Variants in RNF152 observed in about 807,000 individuals in gnomAD.
RNF152 encodes the protein E3 ubiquitin-protein ligase RNF152.
RNF152 carries 11 observed loss-of-function variants against 12.7 expected under a neutral mutation model. That is an observed-to-expected ratio of 0.86 (90% CI 0.54 to 1.43). The LOEUF (loss-of-function observed/expected upper bound fraction) is 1.43, where lower values mean the gene tolerates loss of function less well. Ranked by LOEUF, RNF152 falls within the 40% of genes most tolerant of loss-of-function variation. The probability of loss-of-function intolerance (pLI) is 0.00; values close to 1 mark genes in which losing one functional copy is unlikely to be tolerated. For synonymous variants in RNF152, 113 were observed against 120.3 expected (o/e 0.94, Z 0.40); for missense variants, 255 against 274.8 (o/e 0.93, Z 0.51).
At position 61,810,579 on chromosome 18, in the gene RNF152, C is replaced by G. The variant is rs559969991; in HGVS notation, c.*5273G>C. 1 of 152,194 alleles carries G rather than the reference C, an allele frequency of 6.6e-6. No homozygotes were observed. Among genetic ancestry groups the G allele is most frequent in the African/African-American group, 2.4e-5 (1 of 41,422 alleles). 9.4% of individuals were successfully genotyped at this position (152,194 alleles called of 1,614,324 possible). A position where few individuals can be genotyped will look rare whatever the true frequency, so the allele number is the denominator to read the frequency against. On this transcript the variant is annotated 3_prime_UTR_variant, in exon 2 of 2. Coordinates refer to ENST00000312828, the MANE Select transcript of RNF152 (RefSeq NM_173557.3). Reference sequence around the variant, plus strand: ...AGGAGAATAGCTTGAACCTGGGAGGCGGAGGTTGCAGTGAGCTGAGATCAT... The same window carrying G: ...AGGAGAATAGCTTGAACCTGGGAGGGGGAGGTTGCAGTGAGCTGAGATCAT...
At chr18:61,848,735 C>T (rs921613670) in intron 1 of RNF152, among the ~76,000 whole-genome samples, 3 of 152,188 alleles carry the variant, frequency 2.0e-5, no homozygotes, top group Non-Finnish European at 2.9e-5. Flanking sequence ...TTTGGAGCCA[C>T]GGAAGAGGCC....
intron 1 of RNF152, among the ~76,000 whole-genome samples, chr18:61,870,025 G>A (rs930789849): frequency 6.6e-6 from 1 of 152,176 alleles, no homozygotes; most frequent in African/African-American, 2.4e-5. Context: ...TGAAGGAAAA[G>A]ACAGGCAAGT....
chr18:61,883,910 G>C (rs571477617), intron 1 of RNF152, among the ~76,000 whole-genome samples: 119 of 152,274 alleles, frequency 7.8e-4, no homozygotes, highest in African/African-American at 2.8e-3. Flanking sequence ...AAGCTTTACA[G>C]ACTTTCAAAC....
rs775804132 is a variant in RNF152, at chr18:61,816,209, G to C, written c.255C>G (p.Ser85=). 3.7e-6 allele frequency: 6 copies of C among 1,614,238 alleles called. No individual in the cohort carries two copies. Among genetic ancestry groups the C allele is most frequent in the East Asian group, 4.5e-5 (2 of 44,882 alleles). ...VLAVIAIPHT[S]EHTPVFIKLP... ...GTTTGATGAAGACCGGGGTGTGTTC[G>C]GAAGTGTGTGGAATGGCGATGACAG... The change falls in exon 2 of 2, where the codon TCC becomes TCG. Residue 85 remains serine, a synonymous_variant. Transcript: ENST00000312828.
At chr18:61,846,895 G>C (rs1910763276) in intron 1 of RNF152, among the ~76,000 whole-genome samples, 1 of 152,190 alleles carries the variant, frequency 6.6e-6, no homozygotes. Flanking sequence ...GTCTGGATTT[G>C]AGTCCCAACT....
At chr18:61,849,545 AC>A (rs1482008687) in intron 1 of RNF152, among the ~76,000 whole-genome samples, 3 of 152,210 alleles carry the variant, frequency 2.0e-5, no homozygotes, top group Non-Finnish European at 4.4e-5. Flanking sequence ...CTAATGCCAA[AC>A]CCTGTGCACT....
chr18:61,872,027 T>C (rs1315199912), intron 1 of RNF152, among the ~76,000 whole-genome samples: 2 of 152,220 alleles, frequency 1.3e-5, no homozygotes, highest in African/African-American at 4.8e-5. Context: ...TTCTGCAGGC[T>C]GTACAGTAAG....
intron 1 of RNF152, among the ~76,000 whole-genome samples, chr18:61,852,059 G>C (rs1490284905): frequency 1.3e-5 from 2 of 152,190 alleles, no homozygotes; most frequent in East Asian, 3.9e-4. Context: ...CTCAGAGCCA[G>C]CCAGGGGGCA....
intron 1 of RNF152, among the ~76,000 whole-genome samples, chr18:61,830,242 T>C (rs1909877106): frequency 6.6e-6 from 1 of 152,058 alleles, no homozygotes; most frequent in Admixed American, 6.6e-5. Flanking sequence ...GCCAGGCTGG[T>C]CTTGAACTCC....
intron 1 of RNF152, chr18:61,888,036 T>C (rs765842810): frequency 6.6e-6 from 1 of 152,232 alleles, no homozygotes; most frequent in Non-Finnish European, 1.5e-5. Context: ...AGGAAGTCTA[T>C]GTGATGTTTG....
intron 1 of RNF152, among the ~76,000 whole-genome samples, chr18:61,861,086 G>A (rs1911456663): frequency 6.6e-6 from 1 of 152,126 alleles, no homozygotes; most frequent in Admixed American, 6.5e-5. Flanking sequence ...GTTACAGTAA[G>A]CTAAGATTAT....
intron 1 of RNF152, among the ~76,000 whole-genome samples, chr18:61,850,224 T>C (rs1004134536): frequency 6.6e-5 from 10 of 152,222 alleles, no homozygotes; most frequent in Non-Finnish European, 1.3e-4. Context: ...CCCTTGTCAG[T>C]AAAGTGTGAA....
At chr18:61,883,205 A>T (rs1912540475) in intron 1 of RNF152, among the ~76,000 whole-genome samples, 1 of 152,190 alleles carries the variant, frequency 6.6e-6, no homozygotes, top group African/African-American at 2.4e-5. Flanking sequence ...TGCAGCTTTC[A>T]AAAATATTTC....
At chr18:61,821,094 A>G (rs1909382504) in intron 1 of RNF152, among the ~76,000 whole-genome samples, 1 of 152,226 alleles carries the variant, frequency 6.6e-6, no homozygotes, top group African/African-American at 2.4e-5. Flanking sequence ...CTTCCTGGCT[A>G]TCAAAGAGCT....
rs115827531 is a variant in RNF152 at position 61,877,602 on chromosome 18, T to C, written c.-136+15193A>G. ...TATTACTTTCTACTGAAAGTATTTA[T>C]AGCTCAAAGCTGCTTGTTAATCACA... is the stretch of plus-strand genomic sequence containing the variant. On this transcript the variant is annotated intron_variant, in intron 1 of 1. Coordinates refer to ENST00000312828, the MANE Select transcript of RNF152 (RefSeq NM_173557.3). 8.8e-3 allele frequency among the ~76,000 whole-genome samples: 1,346 copies of C among 152,344 alleles called. 21 individuals are homozygous for C. The highest frequency in any genetic ancestry group is 0.031 in the African/African-American group (1,275 of 41,576).
intron 1 of RNF152, chr18:61,888,156 C>T (rs1912783406): frequency 6.6e-6 from 1 of 152,232 alleles, no homozygotes; most frequent in Non-Finnish European, 1.5e-5. Context: ...CACAAGCAGC[C>T]CCCTCACAAC....
chr18:61,890,912 C>T (rs1912928370), intron 1 of RNF152, among the ~76,000 whole-genome samples: 1 of 152,216 alleles, frequency 6.6e-6, no homozygotes, highest in Non-Finnish European at 1.5e-5. Flanking sequence ...AAGCAGTGAG[C>T]TCCTCAATGA....
rs906465534 is a variant in RNF152, at chr18:61,812,463, G to A, written c.*3389C>T. ...CTATTTTTAAAGAAAACATCTTAGA[G>A]CTTTCTGATCATTAAGTATGACTGG... On this transcript the variant is annotated 3_prime_UTR_variant, in exon 2 of 2. Transcript: ENST00000312828. 1 of 152,094 alleles carries A rather than the reference G, an allele frequency of 6.6e-6. No homozygotes were observed. Among genetic ancestry groups the A allele is most frequent in the Non-Finnish European group, 1.5e-5 (1 of 68,002 alleles). 9.4% of individuals were successfully genotyped at this position (152,094 alleles called of 1,614,324 possible).
intron 1 of RNF152, among the ~76,000 whole-genome samples, chr18:61,818,192 G>A (rs1326606765): frequency 6.6e-6 from 1 of 152,198 alleles, no homozygotes. Context: ...GGAGGCCGAG[G>A]AGGGGGAATC....
Sources: allele counts gnomAD v4.1 joint callset (sites outside exome capture counted in the v4.1 genomes callset), GRCh38; gene constraint gnomAD v4.1.1; transcripts MANE v1.5; gene names NCBI Gene and HGNC (gene_info 2026-07-23, HGNC 2026-07-21).